Variants in ZRANB3 observed in about 807,000 individuals in gnomAD.
The protein encoded by ZRANB3 is DNA annealing helicase and endonuclease ZRANB3.
In ZRANB3, 125 loss-of-function variants were observed where a neutral mutation model predicts 133.8. The ratio of observed to expected loss-of-function variants is 0.93; its 90% CI spans 0.81 to 1.08. The LOEUF (loss-of-function observed/expected upper bound fraction) is 1.08. Among genes scored for constraint, ZRANB3 ranks in the 50% least tolerant of loss-of-function variants. ZRANB3 has a pLI of 0.00. For synonymous variants in ZRANB3, 387 were observed against 432.7 expected, an observed-to-expected ratio of 0.89 and a Z score of 1.31; for missense variants, 1,229 against 1,275.5, an observed-to-expected ratio of 0.96 and a Z score of 0.56.
intron 3 of ZRANB3, among the ~76,000 whole-genome samples, chr2:135,382,832 T>C (rs1309454497): frequency 6.6e-6 from 1 of 152,124 alleles, no homozygotes; most frequent in Non-Finnish European, 1.5e-5. Context: ...AAAGAGCTCC[T>C]GAAGGAAGCA....
intron 5 of ZRANB3, among the ~76,000 whole-genome samples, chr2:135,347,415 C>T (rs1573952482): frequency 6.6e-6 from 1 of 151,894 alleles, no homozygotes; most frequent in South Asian, 2.1e-4. Flanking sequence ...GCCTCAGCCT[C>T]CCGAGCAGCT....
chr2:135,229,719 TTAC>T (rs1694911635), intron 13 of ZRANB3, among the ~76,000 whole-genome samples: 4 of 152,150 alleles, frequency 2.6e-5, no homozygotes, highest in South Asian at 4.1e-4. Context: ...TGTACAATTA[TTAC>T]AACTGATAAA....
intron 3 of ZRANB3, among the ~76,000 whole-genome samples, chr2:135,355,560 T>A (rs2104879582): frequency 6.6e-6 from 1 of 152,200 alleles, no homozygotes; most frequent in Admixed American, 6.5e-5. Flanking sequence ...TTTCTCCATG[T>A]TGGTCAGGCT....
intron 2 of ZRANB3, among the ~76,000 whole-genome samples, chr2:135,491,038 A>C (rs1399334463): frequency 1.3e-5 from 2 of 152,184 alleles, no homozygotes; most frequent in African/African-American, 4.8e-5. Context: ...ACAAATATAC[A>C]GTTAGATAGA....
At chr2:135,378,023 C>G (rs762016664) in intron 3 of ZRANB3, among the ~76,000 whole-genome samples, 1 of 152,230 alleles carries the variant, frequency 6.6e-6, no homozygotes, top group Non-Finnish European at 1.5e-5. Context: ...GAACATTGGA[C>G]TCCCAAGTTC....
At chr2:135,487,048 C>G (rs1692155513) in intron 2 of ZRANB3, among the ~76,000 whole-genome samples, 1 of 152,106 alleles carries the variant, frequency 6.6e-6, no homozygotes, top group Non-Finnish European at 1.5e-5. Context: ...ATATTAAGAC[C>G]TGAAAGTCAA....
In ZRANB3 at chr2:135,244,107, C is replaced by CAAAA. The variant is rs566334496; in HGVS notation, c.1540-13184_1540-13181dup. Among the ~76,000 whole-genome samples the CAAAA allele has an allele frequency of 2.4e-3, 289 of 121,494 alleles. 1 individual carries two copies. Among genetic ancestry groups the CAAAA allele is most frequent in the African/African-American group, 7.9e-3 (272 of 34,214 alleles). 79.7% of individuals were successfully genotyped at this position (121,494 alleles called of 152,430 possible). On this transcript the variant is annotated intron_variant, in intron 12 of 20. Transcript: ENST00000264159. ...ATGACTTATGTCTCCATTTCCCCAC[C>CAAAA]AAAAAAAAAAAAAAAAAATTTGCAA...
chr2:135,310,068 C>T (rs1682901640), intron 8 of ZRANB3, among the ~76,000 whole-genome samples: 1 of 152,112 alleles, frequency 6.6e-6, no homozygotes, highest in Non-Finnish European at 1.5e-5. Flanking sequence ...TCCCGAGTAG[C>T]TGGGATTACA....
intron 2 of ZRANB3, among the ~76,000 whole-genome samples, chr2:135,486,153 CAATT>C (rs1343330943): frequency 2.0e-5 from 3 of 152,170 alleles, no homozygotes; most frequent in African/African-American, 7.2e-5. Context: ...TATGCCACAT[CAATT>C]GACTCTTTCT....
intron 6 of ZRANB3, among the ~76,000 whole-genome samples, chr2:135,333,781 C>T (rs1478913522): frequency 6.6e-6 from 1 of 152,106 alleles, no homozygotes; most frequent in African/African-American, 2.4e-5. Context: ...CTGAATTGCA[C>T]ATTTAAAAAT....
At chr2:135,332,640 A>ACTCCAACTAT (rs1684200395) in intron 6 of ZRANB3, among the ~76,000 whole-genome samples, 2 of 151,874 alleles carry the variant, frequency 1.3e-5, no homozygotes, top group South Asian at 4.2e-4. Context: ...TCTAAAACCT[A>ACTCCAACTAT]CTCCAACTAT....
At chr2:135,366,306 G>GTT (rs796505442) in intron 3 of ZRANB3, among the ~76,000 whole-genome samples, 1 of 149,060 alleles carries the variant, frequency 6.7e-6, no homozygotes, top group African/African-American at 2.5e-5. Context: ...CTTTGTGAAA[G>GTT]TTTTTTTTTT....
chr2:135,443,836 C>T (rs958993309), intron 2 of ZRANB3, among the ~76,000 whole-genome samples: 1 of 151,926 alleles, frequency 6.6e-6, no homozygotes, highest in Admixed American at 6.6e-5. Flanking sequence ...ATTGGATTAA[C>T]AAAATAAAGT....
chr2:135,230,454 G>A (rs527927272), intron 13 of ZRANB3, 59 bp downstream of exon 13: 2 of 1,415,284 alleles, frequency 1.4e-6, no homozygotes, highest in East Asian at 4.9e-5. Flanking sequence ...TAAAAGCACA[G>A]GTTATCTGAA....
chr2:135,271,065 C>CTA (rs1680488811), intron 10 of ZRANB3, among the ~76,000 whole-genome samples: 1 of 152,196 alleles, frequency 6.6e-6, no homozygotes, highest in Non-Finnish European at 1.5e-5. Context: ...GTGGGACTAA[C>CTA]TATAAGAGAT....
intron 12 of ZRANB3, among the ~76,000 whole-genome samples, chr2:135,257,358 T>A (rs1330025231): frequency 6.6e-6 from 1 of 152,212 alleles, no homozygotes; most frequent in Non-Finnish European, 1.5e-5. Flanking sequence ...ATAACTTTTT[T>A]TGGTCTAACT....
intron 8 of ZRANB3, among the ~76,000 whole-genome samples, chr2:135,291,261 C>T (rs1180431890): frequency 1.3e-5 from 2 of 152,126 alleles, no homozygotes; most frequent in Non-Finnish European, 2.9e-5. Flanking sequence ...TGGCTCAAGG[C>T]AACCTCTGCC....
chr2:135,302,446 T>C (rs866952235), intron 8 of ZRANB3, among the ~76,000 whole-genome samples: 1 of 152,174 alleles, frequency 6.6e-6, no homozygotes, highest in South Asian at 2.1e-4. Flanking sequence ...TTTTCATCTC[T>C]TTTCTTTTCC....
In ZRANB3 at chr2:135,265,541, A is replaced by T; in HGVS notation, c.1532T>A (p.Phe511Tyr). ...TAAGGCATATAATCTTACGTGAGTG[A>T]ACAAAGCTTCCTTCCTTAACTCTTC... ...SSEELRKEAL[F>Y]THFEKEKQHD... Residue 511 changes from phenylalanine to tyrosine, a missense_variant, in exon 12 of 21, where the codon TTC becomes TAC. Phe to Tyr is a conservative substitution (Grantham distance 22). Coordinates refer to ENST00000264159, the MANE Select transcript of ZRANB3 (RefSeq NM_032143.4). 3 of 1,612,674 alleles carry T rather than the reference A, an allele frequency of 1.9e-6. No individual in the cohort carries two copies. Among genetic ancestry groups the T allele is most frequent in the Non-Finnish European group, 2.5e-6 (3 of 1,179,386 alleles).
Sources: allele counts gnomAD v4.1 joint callset (sites outside exome capture counted in the v4.1 genomes callset), GRCh38; gene constraint gnomAD v4.1.1; transcripts MANE v1.5; gene names NCBI Gene and HGNC (gene_info 2026-07-23, HGNC 2026-07-21).